Variants in BRINP3 observed in about 807,000 individuals in gnomAD.
The protein encoded by BRINP3 is BMP/retinoic acid-inducible neural-specific protein 3.
A neutral mutation model predicts 71.0 loss-of-function variants in BRINP3; 19 were observed. That is an observed-to-expected ratio of 0.27 (90% CI 0.19 to 0.39). BRINP3 has a LOEUF of 0.39. Ranked by LOEUF, BRINP3 falls within the 10% of genes least tolerant of loss-of-function variation. The pLI is 1.00. For missense variants in BRINP3, 959 were observed against 940.8 expected (o/e 1.02, Z -0.25); for synonymous variants, 380 against 337.7 (o/e 1.13, Z -1.37).
At chr1:190,175,227 C>G (rs77765732) in intron 6 of BRINP3, among the ~76,000 whole-genome samples, 2 of 151,942 alleles carry the variant, frequency 1.3e-5, no homozygotes, top group African/African-American at 2.4e-5. Flanking sequence ...AATTGCAAAG[C>G]GAGTGAAATT....
chr1:190,409,444 T>A (rs1672515551), intron 2 of BRINP3, among the ~76,000 whole-genome samples: 1 of 152,168 alleles, frequency 6.6e-6, no homozygotes. Context: ...TCCTTCAAAA[T>A]CACAGTCTAA....
At chr1:190,445,491 T>G (rs1675151620) in intron 2 of BRINP3, among the ~76,000 whole-genome samples, 1 of 152,028 alleles carries the variant, frequency 6.6e-6, no homozygotes, top group East Asian at 1.9e-4. Context: ...GTGAGAAACA[T>G]CATAATGCAA....
intron 3 of BRINP3, among the ~76,000 whole-genome samples, chr1:190,265,963 G>T (rs569586980): frequency 6.6e-6 from 1 of 152,288 alleles, no homozygotes; most frequent in Admixed American, 6.5e-5. Flanking sequence ...TGAAATCTAT[G>T]TAGGATTTAG....
At chr1:190,121,056 G>A (rs1339477124) in intron 7 of BRINP3, among the ~76,000 whole-genome samples, 2 of 152,062 alleles carry the variant, frequency 1.3e-5, no homozygotes, top group Non-Finnish European at 2.9e-5. Context: ...GTCAACCAAA[G>A]TGAAAATGCC....
At chr1:190,427,913 G>T (rs1257194892) in intron 2 of BRINP3, among the ~76,000 whole-genome samples, 1 of 144,704 alleles carries the variant, frequency 6.9e-6, no homozygotes, top group African/African-American at 2.6e-5. Context: ...TGCCCCAAAA[G>T]ACCACAGTGT....
intron 7 of BRINP3, among the ~76,000 whole-genome samples, chr1:190,127,939 T>C (rs1378310487): frequency 6.6e-6 from 1 of 151,736 alleles, no homozygotes; most frequent in African/African-American, 2.4e-5. Flanking sequence ...CCAGGATCAA[T>C]AGGATAGGGA....
chr1:190,379,987 G>C (rs531142165), intron 2 of BRINP3, among the ~76,000 whole-genome samples: 1 of 104,746 alleles, frequency 9.5e-6, no homozygotes, highest in East Asian at 2.9e-4. Flanking sequence ...AACAGGGAGA[G>C]ACTCCACCTC....
At chr1:190,396,892 TA>T (rs56874078) in intron 2 of BRINP3, among the ~76,000 whole-genome samples, 114,175 of 150,540 alleles carry the variant, frequency 0.76, 43,462 homozygotes, top group Non-Finnish European at 0.79. Context: ...TTTCAGTACC[TA>T]AAACATTTCC....
chr1:190,252,948 C>T (rs1463538307), intron 4 of BRINP3, among the ~76,000 whole-genome samples: 5 of 152,056 alleles, frequency 3.3e-5, no homozygotes, highest in Non-Finnish European at 7.4e-5. Context: ...CACCCCATGA[C>T]AGACCCCAGG....
At chr1:190,110,363 T>A (rs1176194444) in intron 7 of BRINP3, among the ~76,000 whole-genome samples, 1 of 152,172 alleles carries the variant, frequency 6.6e-6, no homozygotes, top group Non-Finnish European at 1.5e-5. Flanking sequence ...GATATTTTTC[T>A]AGGTAATTAT....
intron 4 of BRINP3, among the ~76,000 whole-genome samples, chr1:190,234,952 A>G (rs1658375322): frequency 2.0e-5 from 3 of 151,960 alleles, no homozygotes; most frequent in Admixed American, 2.0e-4. Flanking sequence ...GAAATTCTAA[A>G]CTCTCTGTTT....
At chr1:190,415,733 T>C (rs1291022133) in intron 2 of BRINP3, among the ~76,000 whole-genome samples, 1 of 151,924 alleles carries the variant, frequency 6.6e-6, no homozygotes, top group Non-Finnish European at 1.5e-5. Context: ...AGACCCCTTA[T>C]AGAAAAACAT....
At chr1:190,357,685 G>GT (rs1668828431) in intron 2 of BRINP3, among the ~76,000 whole-genome samples, 1 of 151,920 alleles carries the variant, frequency 6.6e-6, no homozygotes, top group East Asian at 1.9e-4. Context: ...CTTTAAAGTA[G>GT]TTTTTTCCAA....
At chr1:190,204,212 C>A (rs1202256175) in intron 6 of BRINP3, among the ~76,000 whole-genome samples, 6 of 151,890 alleles carry the variant, frequency 4.0e-5, no homozygotes, top group Non-Finnish European at 1.5e-5. Context: ...ATAAATAAGA[C>A]CTGAGCTGAT....
At chr1:190,182,479 C>A (rs1653113381) in intron 6 of BRINP3, among the ~76,000 whole-genome samples, 1 of 151,964 alleles carries the variant, frequency 6.6e-6, no homozygotes, top group Non-Finnish European at 1.5e-5. Flanking sequence ...TGAGCTTATC[C>A]TTTGTTCTGT....
At chr1:190,127,713 T>C (rs982662732) in intron 7 of BRINP3, among the ~76,000 whole-genome samples, 2 of 151,882 alleles carry the variant, frequency 1.3e-5, no homozygotes, top group Non-Finnish European at 1.5e-5. Context: ...CATTTCAGTT[T>C]GTATTTCCTG....
intron 7 of BRINP3, among the ~76,000 whole-genome samples, chr1:190,131,244 C>G (rs983077179): frequency 2.0e-5 from 3 of 151,392 alleles, no homozygotes; most frequent in African/African-American, 7.3e-5. Flanking sequence ...AAGCTGTGTA[C>G]AAAGCCTTCA....
At chr1:190,303,022 C>T (rs1390192682) in intron 2 of BRINP3, among the ~76,000 whole-genome samples, 1 of 151,598 alleles carries the variant, frequency 6.6e-6, no homozygotes, top group Non-Finnish European at 1.5e-5. Flanking sequence ...TGGTATATCA[C>T]CTTCAAAATG....
At chr1:190,177,371 G>C (rs1652636072) in intron 6 of BRINP3, among the ~76,000 whole-genome samples, 1 of 144,118 alleles carries the variant, frequency 6.9e-6, no homozygotes, top group African/African-American at 2.6e-5. Context: ...GTAGAGACGG[G>C]GTTTCACCGT....
Sources: gnomAD v4.1 joint callset for allele counts (sites outside exome capture counted in the v4.1 genomes callset) on GRCh38, gnomAD v4.1.1 for gene constraint, MANE v1.5 for transcripts, NCBI Gene and HGNC (gene_info 2026-07-23, HGNC 2026-07-21) for gene names.